RP1: variants seen among roughly 807,000 people sequenced by gnomAD.
RP1 encodes the protein oxygen-regulated protein 1.
Under a neutral mutation model 14.8 loss-of-function variants are expected in RP1, and 16 were observed. That is an observed-to-expected ratio of 1.08 (90% CI 0.73 to 1.65). The LOEUF is 1.65. RP1 is among the 40% of genes most tolerant of loss of function. The pLI, the probability that RP1 is intolerant of heterozygous loss-of-function variation, is 0.00. For synonymous variants in RP1, 876 were observed against 883.6 expected (o/e 0.99, Z 0.15); for missense variants, 2,631 against 2,535.0 (o/e 1.04, Z -0.81).
chr8:54,792,381 G>A (rs1810485159), intron 24 of RP1, among the ~76,000 whole-genome samples: 1 of 151,826 alleles, frequency 6.6e-6, no homozygotes, highest in Admixed American at 6.6e-5. Context: ...GACATATACA[G>A]AACATTTCAT....
rs1016332204 is a variant in RP1, at chr8:54,621,588, G to A, written c.615+7G>A. ...CGCTACGGACGGAAGGAGGGTGAGC[G>A]TTCTGGGGGCTCCTCGAGCCTGAGC... On this transcript the variant is annotated splice_region_variant and intron_variant, in intron 2 of 3. Transcript: ENST00000220676. 3.7e-6 allele frequency: 6 copies of A among 1,613,974 alleles called. No individual in the cohort carries two copies. The African/African-American group carries it at 4.0e-5, about 11-fold the overall frequency.
In RP1 at chr8:54,627,650, C is replaced by T; in HGVS notation, c.3768C>T (p.Cys1256=). 6.2e-7 allele frequency: 1 copy of T among 1,614,216 alleles called. No individual in the cohort carries two copies. The highest frequency in any genetic ancestry group is 1.1e-5 in the South Asian group (1 of 91,088). ...AAGTCTGTGTTTTGGAAGTGACTTGCTCTCCATGTGAGATGTGCACTGTAA... is the reference window on the plus strand; with the variant it reads ...AAGTCTGTGTTTTGGAAGTGACTTGTTCTCCATGTGAGATGTGCACTGTAA... The part of the protein sequence containing the change: ...APEVCVLEVT[C]SPCEMCTVNK... The change falls in exon 4 of 4, where the codon TGC becomes TGT. Residue 1256 remains cysteine, a synonymous_variant. Coordinates refer to ENST00000220676, the MANE Select transcript of RP1 (RefSeq NM_006269.2).
intron 1 of RP1, among the ~76,000 whole-genome samples, chr8:54,606,024 A>G (rs1014487081): frequency 5.9e-5 from 9 of 151,396 alleles, no homozygotes; most frequent in African/African-American, 2.2e-4. Flanking sequence ...TTTTAATTGG[A>G]GTATTTAGCC....
At chr8:54,677,370 C>T (rs933407723) in intron 8 of RP1, among the ~76,000 whole-genome samples, 7 of 151,904 alleles carry the variant, frequency 4.6e-5, no homozygotes, top group Non-Finnish European at 5.9e-5. Flanking sequence ...CACTCAATAA[C>T]GGGAGTATGT....
At chr8:54,603,176 A>G (rs529726147) in intron 1 of RP1, among the ~76,000 whole-genome samples, 90 of 152,266 alleles carry the variant, frequency 5.9e-4, no homozygotes, top group African/African-American at 1.9e-3. Flanking sequence ...TTTAGGTCTA[A>G]CATTTAAGTC....
chr8:54,809,224 TTAGTTG>T (rs1810930643), intron 24 of RP1, among the ~76,000 whole-genome samples: 1 of 152,234 alleles, frequency 6.6e-6, no homozygotes, highest in African/African-American at 2.4e-5. Flanking sequence ...TTTCTAAAGT[TTAGTTG>T]TACATATAGC....
At position 54,839,794 on chromosome 8, in the gene RP1, A is replaced by G. The variant is rs189303302; in HGVS notation, c.3835+2125A>G. Among the ~76,000 whole-genome samples, 110 of 152,356 alleles carry G rather than the reference A, an allele frequency of 7.2e-4. 2 individuals are homozygous for G. The East Asian group carries it at 0.02, about 27-fold the overall frequency. On this transcript the variant is annotated intron_variant, in intron 25 of 28. Coordinates refer to the RP1 transcript ENST00000637698. ...CCCCCAGATACTAGTTGATTAATTC[A>G]GACACAGCAAGAAAGATTTGGGGTA...
At chr8:54,618,286 T>A (rs552251329) in intron 1 of RP1, among the ~76,000 whole-genome samples, 1 of 152,258 alleles carries the variant, frequency 6.6e-6, no homozygotes, top group East Asian at 1.9e-4. Context: ...ATAGGGACAA[T>A]GGCAGCTGCT....
intron 1 of RP1, among the ~76,000 whole-genome samples, chr8:54,564,842 G>T (rs982057320): frequency 2.5e-4 from 38 of 152,198 alleles, no homozygotes; most frequent in Admixed American, 2.4e-3. Context: ...AGTTGGCAAG[G>T]TTGTTGATTT....
chr8:54,701,746 C>A, intron 14 of RP1: 1 of 1,235,714 alleles, frequency 8.1e-7, no homozygotes, highest in Non-Finnish European at 1.1e-6. Flanking sequence ...TAAATTGAGT[C>A]ATAATGCAGT....
intron 8 of RP1, among the ~76,000 whole-genome samples, chr8:54,677,531 G>C (rs961323956): frequency 2.0e-5 from 3 of 151,990 alleles, no homozygotes; most frequent in Non-Finnish European, 4.4e-5. Flanking sequence ...GTTCAAGACC[G>C]GCCTGGGCAA....
intron 22 of RP1, among the ~76,000 whole-genome samples, chr8:54,765,601 T>C (rs749486513): frequency 2.6e-5 from 4 of 152,272 alleles, no homozygotes; most frequent in Non-Finnish European, 4.4e-5. Flanking sequence ...CCAATTCTCC[T>C]GAGTAGAGTA....
chr8:54,797,230 C>T (rs1487678334), intron 24 of RP1, among the ~76,000 whole-genome samples: 1 of 152,138 alleles, frequency 6.6e-6, no homozygotes, highest in African/African-American at 2.4e-5. Context: ...TTCTTAACAG[C>T]TACCAAAAAT....
At chr8:54,677,172 G>T (rs1807310981) in intron 8 of RP1, among the ~76,000 whole-genome samples, 1 of 151,712 alleles carries the variant, frequency 6.6e-6, no homozygotes, top group African/African-American at 2.4e-5. Flanking sequence ...TGAAAATCCT[G>T]CATCCTGGGA....
chr8:54,681,444 A>G (rs979348170), intron 12 of RP1, among the ~76,000 whole-genome samples: 7 of 151,578 alleles, frequency 4.6e-5, no homozygotes, highest in Admixed American at 6.6e-5. Flanking sequence ...GCAAATTAGG[A>G]AACTATGATC....
intron 12 of RP1, among the ~76,000 whole-genome samples, chr8:54,697,549 C>G (rs1013989274): frequency 2.6e-5 from 4 of 152,052 alleles, no homozygotes; most frequent in African/African-American, 9.7e-5. Context: ...AAGCGAAACT[C>G]CATCTCAAAA....
chr8:54,696,186 C>G (rs776551065), intron 12 of RP1, among the ~76,000 whole-genome samples: 7 of 152,062 alleles, frequency 4.6e-5, no homozygotes, highest in Non-Finnish European at 7.4e-5. Flanking sequence ...TGAATATACA[C>G]ATATAGTAAA....
chr8:54,563,044 C>G (rs1388796664), intron 1 of RP1, among the ~76,000 whole-genome samples: 2 of 152,224 alleles, frequency 1.3e-5, no homozygotes, highest in Non-Finnish European at 2.9e-5. Context: ...ACTGTAGACT[C>G]TTACTCTTAA....
At chr8:54,770,882 A>G (rs1321089014), downstream of RP1, among the ~76,000 whole-genome samples, 1 of 151,900 alleles carries the variant, frequency 6.6e-6, no homozygotes, top group African/African-American at 2.4e-5. Flanking sequence ...CAATTATAGT[A>G]TTAATATGTT....
Sources: gnomAD v4.1 joint callset for allele counts (sites outside exome capture counted in the v4.1 genomes callset) on GRCh38, gnomAD v4.1.1 for gene constraint, MANE v1.5 for transcripts, NCBI Gene and HGNC (gene_info 2026-07-23, HGNC 2026-07-21) for gene names.